The following PPP1R21 variants were observed in gnomAD, a reference collection of about 807,000 sequenced individuals.
PPP1R21 encodes protein phosphatase 1 regulatory subunit 21.
Under a neutral mutation model 112.8 loss-of-function variants are expected in PPP1R21, and 85 were observed. That is an observed-to-expected ratio of 0.75 (90% CI 0.63 to 0.90). PPP1R21 has a LOEUF of 0.90. Among genes scored for constraint, PPP1R21 ranks in the 40% least tolerant of loss-of-function variants. The probability of loss-of-function intolerance (pLI) is 0.00; values close to 1 mark genes in which losing one functional copy is unlikely to be tolerated. For synonymous variants in PPP1R21, 381 were observed against 322.3 expected, an observed-to-expected ratio of 1.18 and a Z score of -1.95; for missense variants, 1,199 against 901.5, an observed-to-expected ratio of 1.33 and a Z score of -4.23.
intron 14 of PPP1R21, among the ~76,000 whole-genome samples, chr2:48,487,682 GC>G (rs1169721774): frequency 6.6e-6 from 1 of 150,746 alleles, no homozygotes; most frequent in Non-Finnish European, 1.5e-5. Context: ...GATTGCTTGA[GC>G]CCAGGAGGTT....
intron 2 of PPP1R21, among the ~76,000 whole-genome samples, chr2:48,452,974 G>T (rs927140560): frequency 1.7e-4 from 24 of 138,676 alleles, no homozygotes; most frequent in African/African-American, 5.7e-4. Context: ...TTTTTTTTGA[G>T]ACAGAGTCTT....
Position 48,495,709 on chromosome 2 carries a change from G to C in PPP1R21, c.1630G>C (p.Ala544Pro), listed in dbSNP as rs372434417. ...PLLESVPYEE[A>P]LANRRILLSS... ...CTTGGAGTCTGTGCCTTATGAAGAA[G>C]CACTGGCAAACCGCCGCATCCTTCT... The change falls in exon 16 of 22, where the codon GCA becomes CCA. Residue 544 changes from alanine (A) to proline (P), a missense_variant. Coordinates refer to ENST00000294952, the MANE Select transcript of PPP1R21 (RefSeq NM_001135629.3). The C allele has an allele frequency of 2.7e-5, 43 of 1,611,960 alleles. No homozygotes were observed. Among genetic ancestry groups the C allele is most frequent in the Non-Finnish European group, 3.6e-5 (42 of 1,178,184 alleles).
chr2:48,440,777 C>T lies in PPP1R21; in HGVS notation c.-177C>T, dbSNP rs1030380240. On this transcript the variant is annotated 5_prime_UTR_variant, in exon 1 of 22. Transcript: ENST00000294952. ...CCGCCCCCGGCCCCACTCCACCTTC[C>T]TCCCACCCCGGGAACCCGGAAGTGG... The T allele has an allele frequency of 1.1e-5, 7 of 614,188 alleles. No individual in the cohort carries two copies. In the Admixed American group the frequency reaches 2.1e-4, roughly 19 times the overall value. The allele number at this position is 614,188 out of a possible 1,614,324, so 38.0% of individuals were successfully genotyped here.
intron 17 of PPP1R21, among the ~76,000 whole-genome samples, chr2:48,503,086 A>G (rs968382250): frequency 6.6e-6 from 1 of 152,236 alleles, no homozygotes; most frequent in African/African-American, 2.4e-5. Flanking sequence ...ATTATATATT[A>G]TAAAAAAAGA....
Position 48,440,892 on chromosome 2 carries a change from T to G in PPP1R21, c.-62T>G, listed in dbSNP as rs1666988541. 16 of 1,176,450 alleles carry G rather than the reference T, an allele frequency of 1.4e-5. No homozygotes were observed. Among genetic ancestry groups the G allele is most frequent in the African/African-American group, 3.1e-5 (2 of 64,360 alleles). The allele number at this position is 1,176,450 out of a possible 1,614,324, so 72.9% of individuals were successfully genotyped here. The stretch of plus-strand genomic sequence containing the variant: ...CCCGTTCCCGGGAGCGTGTCTGGGT[T>G]TGGGGGCGGGAGACAGGCTGAGCCG... On this transcript the variant is annotated 5_prime_UTR_variant, in exon 1 of 22. Transcript: ENST00000294952.
chr2:48,458,736 A>C (rs563868600), intron 4 of PPP1R21, among the ~76,000 whole-genome samples: 1 of 152,128 alleles, frequency 6.6e-6, no homozygotes, highest in East Asian at 1.9e-4. Context: ...TATGTCAGGC[A>C]CTCAGATATT....
At chr2:48,457,695 T>C (rs992140118) in intron 3 of PPP1R21, among the ~76,000 whole-genome samples, 1 of 152,208 alleles carries the variant, frequency 6.6e-6, no homozygotes, top group African/African-American at 2.4e-5. Flanking sequence ...GTGGATGCTG[T>C]TACAGAATTT....
intron 9 of PPP1R21, among the ~76,000 whole-genome samples, chr2:48,469,184 A>G (rs1668345291): frequency 6.7e-6 from 1 of 149,664 alleles, no homozygotes; most frequent in South Asian, 2.1e-4. Context: ...CTCCCACAAC[A>G]TGTAGGAATT....
chr2:48,477,999 C>T (rs748878992), intron 12 of PPP1R21, among the ~76,000 whole-genome samples: 17 of 152,214 alleles, frequency 1.1e-4, no homozygotes, highest in South Asian at 2.1e-4. Flanking sequence ...AGAGAGATTT[C>T]GAGACAGAGA....
At chr2:48,504,814 C>A (rs1426183171) in intron 17 of PPP1R21, among the ~76,000 whole-genome samples, 1 of 152,128 alleles carries the variant, frequency 6.6e-6, no homozygotes, top group Non-Finnish European at 1.5e-5. Flanking sequence ...AAATCTTAAA[C>A]TGTAGAAACA....
chr2:48,480,043 T>A (rs757314345), intron 13 of PPP1R21, 27 bp downstream of exon 13: 3 of 1,474,746 alleles, frequency 2.0e-6, no homozygotes, highest in Non-Finnish European at 2.8e-6. Flanking sequence ...AACGTAAGCT[T>A]AAAACCTTTG....
intron 7 of PPP1R21, among the ~76,000 whole-genome samples, chr2:48,461,467 T>C (rs1248849106): frequency 6.6e-6 from 1 of 152,202 alleles, no homozygotes; most frequent in African/African-American, 2.4e-5. Flanking sequence ...TCCACATTTT[T>C]TGATTGCATG....
chr2:48,458,145 C>A lies in PPP1R21; in HGVS notation c.293C>A (p.Ser98Tyr), dbSNP rs563098352. 1 of 1,611,316 alleles carries A rather than the reference C, an allele frequency of 6.2e-7. No individual in the cohort carries two copies. The highest frequency in any genetic ancestry group is 1.1e-5 in the South Asian group (1 of 90,930). ...KKNKKSGESS[S>Y]QLSQEQKSVF... is the part of the protein sequence containing the mutation. ...CATCAGAAAAGTGGAGAATCTTCTT[C>A]TCAGTTGAGTCAAGAGCAGAAGAGT... is the stretch of plus-strand genomic sequence containing the variant. Residue 98 changes from serine to tyrosine, a missense_variant, in exon 4 of 22, where the codon TCT (serine) becomes TAT (tyrosine). Coordinates refer to ENST00000294952, the MANE Select transcript of PPP1R21 (RefSeq NM_001135629.3).
At chr2:48,471,561 G>T in intron 11 of PPP1R21, 194 bp downstream of exon 11, 1 of 546,812 alleles carries the variant, frequency 1.8e-6, no homozygotes. Context: ...TTGAATTATA[G>T]TCTGTCAGTT....
At chr2:48,459,282 A>G (rs1294309299) in intron 4 of PPP1R21, among the ~76,000 whole-genome samples, 1 of 152,108 alleles carries the variant, frequency 6.6e-6, no homozygotes, top group Non-Finnish European at 1.5e-5. Flanking sequence ...CTTTATTAGT[A>G]TTGGACTCTA....
intron 3 of PPP1R21, among the ~76,000 whole-genome samples, chr2:48,455,195 A>G (rs1267779818): frequency 8.0e-6 from 1 of 125,316 alleles, no homozygotes. Flanking sequence ...TGCCTAGGCT[A>G]GAGTGCAATG....
intron 15 of PPP1R21, 58 bp downstream of exon 15, chr2:48,491,228 A>G (rs554620010): frequency 9.5e-4 from 1,485 of 1,557,226 alleles, no homozygotes; most frequent in Non-Finnish European, 1.2e-3. Flanking sequence ...CATTCTAGAG[A>G]ATGGCAAGAG....
chr2:48,443,646 G>A (rs1393480398), intron 1 of PPP1R21, among the ~76,000 whole-genome samples: 5 of 152,204 alleles, frequency 3.3e-5, no homozygotes, highest in Admixed American at 1.3e-4. Flanking sequence ...TAATTGCAAT[G>A]TGATGGGAAT....
At chr2:48,501,007 A>G (rs1166678376) in intron 17 of PPP1R21, among the ~76,000 whole-genome samples, 1 of 152,182 alleles carries the variant, frequency 6.6e-6, no homozygotes, top group Non-Finnish European at 1.5e-5. Context: ...AATGGTCGCC[A>G]CACTCACAGG....
Sources: allele counts gnomAD v4.1 joint callset (sites outside exome capture counted in the v4.1 genomes callset), GRCh38; gene constraint gnomAD v4.1.1; transcripts MANE v1.5; gene names NCBI Gene and HGNC (gene_info 2026-07-23, HGNC 2026-07-21).